The following NUP214 variants were observed in gnomAD, a reference collection of about 807,000 sequenced individuals.
NUP214 encodes the protein nuclear pore complex protein Nup214.
Under a neutral mutation model 196.2 loss-of-function variants are expected in NUP214, and 79 were observed. The ratio of observed to expected loss-of-function variants is 0.40; its 90% confidence interval spans 0.34 to 0.49. The LOEUF (loss-of-function observed/expected upper bound fraction) is 0.49, where lower values mean the gene tolerates loss of function less well. Among genes scored for constraint, NUP214 ranks in the 20% least tolerant of loss-of-function variants. NUP214 has a pLI of 0.58. For synonymous variants in NUP214, 1,020 were observed against 990.5 expected, an observed-to-expected ratio of 1.03 and a Z score of -0.56; for missense variants, 2,468 against 2,539.0, an observed-to-expected ratio of 0.97 and a Z score of 0.60.
intron 11 of NUP214, among the ~76,000 whole-genome samples, chr9:131,144,051 A>G (rs1429057853): frequency 6.6e-6 from 1 of 152,230 alleles, no homozygotes; most frequent in Non-Finnish European, 1.5e-5. Flanking sequence ...TGAGAAGTCC[A>G]TGAAGTCCAA....
At chr9:131,182,985 G>A (rs1308181262) in intron 24 of NUP214, among the ~76,000 whole-genome samples, 1 of 152,168 alleles carries the variant, frequency 6.6e-6, no homozygotes, top group Non-Finnish European at 1.5e-5. Flanking sequence ...TCTAACAGCA[G>A]TATTCTATTT....
intron 30 of NUP214, among the ~76,000 whole-genome samples, chr9:131,214,126 A>T (rs1023746794): frequency 6.6e-6 from 1 of 152,114 alleles, no homozygotes; most frequent in African/African-American, 2.4e-5. Context: ...CCAGAGTAGA[A>T]AGGAGGGGAT....
intron 26 of NUP214, chr9:131,191,300 C>CT (rs1336721275): frequency 2.0e-5 from 3 of 151,684 alleles, no homozygotes; most frequent in African/African-American, 7.3e-5. Flanking sequence ...CCTGTCTCTA[C>CT]TAAAAAAAAA....
At chr9:131,148,456 A>G (rs1832149365) in intron 14 of NUP214, among the ~76,000 whole-genome samples, 1 of 152,168 alleles carries the variant, frequency 6.6e-6, no homozygotes, top group Non-Finnish European at 1.5e-5. Context: ...CACATATGCA[A>G]GTTTCTCTTG....
At chr9:131,231,957 A>G (rs189375703) in intron 34 of NUP214, among the ~76,000 whole-genome samples, 7 of 150,862 alleles carry the variant, frequency 4.6e-5, no homozygotes, top group Admixed American at 1.3e-4. Context: ...GAATGGATCT[A>G]TGTGGTCCAG....
intron 33 of NUP214, 164 bp from the exon 34 acceptor site, chr9:131,230,466 G>A: frequency 1.4e-6 from 1 of 735,374 alleles, no homozygotes; most frequent in Non-Finnish European, 2.2e-6. Flanking sequence ...GTTGGCCCTG[G>A]GCGATAGCTC....
Position 131,189,141 on chromosome 9 carries a change from C to T in NUP214, c.3574+10C>T, listed in dbSNP as rs1833532607. 3 of 1,612,380 alleles carry T rather than the reference C, an allele frequency of 1.9e-6. No individual in the cohort carries two copies. The African/African-American group carries it at 4.0e-5, about 22-fold the overall frequency. On this transcript the variant is annotated intron_variant, in intron 26 of 35. Coordinates refer to ENST00000359428, the MANE Select transcript of NUP214 (RefSeq NM_005085.4). ...GGTGACAAAGCTTCAGGTCAGTTTG[C>T]ATTTTTGTTTTCTTGAAAAGTGAAA... is the stretch of plus-strand genomic sequence containing the variant.
In NUP214 at chr9:131,149,570, G is replaced by A. The variant is rs147107244; in HGVS notation, c.2041-754G>A. On this transcript the variant is annotated intron_variant, in intron 14 of 35. Coordinates refer to ENST00000359428, the MANE Select transcript of NUP214 (RefSeq NM_005085.4). ...AGCCCACAGCTCTGTCCCCCTGCTA[G>A]CATCCTGTGTCAAGCTGTTGCACCT... Among the ~76,000 whole-genome samples the A allele has an allele frequency of 2.6e-3, 394 of 151,700 alleles. 3 individuals carry two copies. Among genetic ancestry groups the A allele is most frequent in the African/African-American group, 8.8e-3 (365 of 41,332 alleles).
intron 27 of NUP214, among the ~76,000 whole-genome samples, chr9:131,193,183 G>A (rs1833661480): frequency 6.6e-6 from 1 of 152,044 alleles, no homozygotes; most frequent in Admixed American, 6.6e-5. Context: ...CCTTTGTTAA[G>A]GTGCCTGTTC....
chr9:131,145,340 A>C (rs1832058185), intron 12 of NUP214, among the ~76,000 whole-genome samples: 1 of 151,984 alleles, frequency 6.6e-6, no homozygotes, highest in South Asian at 2.1e-4. Flanking sequence ...TTCCCACTAG[A>C]ATGTAAGCTT....
intron 8 of NUP214, 94 bp downstream of exon 8, chr9:131,135,098 G>A (rs1052123566): frequency 4.6e-6 from 4 of 867,696 alleles, no homozygotes; most frequent in Non-Finnish European, 7.5e-6. Flanking sequence ...CTGATTGATT[G>A]ATTGATGGAT....
chr9:131,144,737 A>G lies in NUP214; in HGVS notation c.1752A>G (p.Lys584=), dbSNP rs1413434215. ...PSFPPSTSAV[K]VNLSEKFTAA... is the part of the protein sequence containing the mutation. ...TCCCACCCTCAACCTCTGCTGTCAA[A>G]GTCAACCTTAGTGAAAAGTAAGTCA... The change falls in exon 12 of 36, where the codon AAA becomes AAG. Residue 584 remains lysine, a synonymous_variant. Coordinates refer to ENST00000359428, the MANE Select transcript of NUP214 (RefSeq NM_005085.4). 1 of 1,603,322 alleles carries G rather than the reference A, an allele frequency of 6.2e-7. No individual in the cohort carries two copies. Among genetic ancestry groups the G allele is most frequent in the Non-Finnish European group, 8.5e-7 (1 of 1,175,144 alleles).
chr9:131,196,023 T>TCCC (rs758450590), intron 28 of NUP214, among the ~76,000 whole-genome samples: 1 of 10,088 alleles, frequency 9.9e-5, no homozygotes, highest in African/African-American at 2.0e-4. Flanking sequence ...AAACTCTGTG[T>TCCC]GTCCCCCCCC....
intron 11 of NUP214, among the ~76,000 whole-genome samples, chr9:131,143,632 T>G (rs1299211749): frequency 1.1e-5 from 1 of 92,112 alleles, no homozygotes; most frequent in Non-Finnish European, 2.5e-5. Flanking sequence ...TTATGTGAGT[T>G]AGTTTCCCTG....
intron 17 of NUP214, chr9:131,153,104 G>A (rs754657610): frequency 6.6e-6 from 1 of 152,116 alleles, no homozygotes; most frequent in Non-Finnish European, 1.5e-5. Context: ...TTGCTAATCG[G>A]ATTTTGCTTT....
At chr9:131,153,450 C>G (rs1832333233) in intron 17 of NUP214, 1 of 152,132 alleles carries the variant, frequency 6.6e-6, no homozygotes, top group South Asian at 2.1e-4. Context: ...CGTCCTCTTT[C>G]CACTGTGGAT....
In NUP214 at chr9:131,176,405, C is replaced by G. The variant is rs556994702; in HGVS notation, c.3319+784C>G. ...CTGGTGCGATCACGGCTCGCTGCAG[C>G]CTCCGTGATCTCCCGAACCCAGGTG... On this transcript the variant is annotated intron_variant, in intron 23 of 35. Transcript: ENST00000359428. 1.3e-4 allele frequency among the ~76,000 whole-genome samples: 20 copies of G among 151,898 alleles called. No homozygotes were observed. The East Asian group carries it at 3.5e-3, about 27-fold the overall frequency.
At chr9:131,167,814 G>A (rs1353196623) in intron 21 of NUP214, among the ~76,000 whole-genome samples, 2 of 151,896 alleles carry the variant, frequency 1.3e-5, no homozygotes, top group African/African-American at 4.8e-5. Flanking sequence ...AGCCTTTGTT[G>A]GTTTTGTGAG....
intron 17 of NUP214, among the ~76,000 whole-genome samples, chr9:131,156,278 G>A (rs566569715): frequency 1.5e-4 from 23 of 151,864 alleles, no homozygotes; most frequent in South Asian, 6.2e-4. Flanking sequence ...AACTACAGGC[G>A]CCTGCCACCA....
Sources: gnomAD v4.1 joint callset for allele counts (sites outside exome capture counted in the v4.1 genomes callset) on GRCh38, gnomAD v4.1.1 for gene constraint, MANE v1.5 for transcripts, NCBI Gene and HGNC (gene_info 2026-07-23, HGNC 2026-07-21) for gene names.